Variants in CCDC158 observed in about 807,000 individuals in gnomAD.
The protein encoded by CCDC158 is coiled-coil domain-containing protein 158.
A neutral mutation model predicts 138.6 loss-of-function variants in CCDC158; 116 were observed. That is an observed-to-expected ratio of 0.84 (90% CI 0.72 to 0.98). The LOEUF (loss-of-function observed/expected upper bound fraction) is 0.98. Ranked by LOEUF, CCDC158 falls within the 50% of genes least tolerant of loss-of-function variation. The probability of loss-of-function intolerance (pLI) is 0.00; values close to 1 mark genes in which losing one functional copy is unlikely to be tolerated. For missense variants in CCDC158, 1,265 were observed against 1,306.1 expected (o/e 0.97, Z 0.48); for synonymous variants, 436 against 442.4 (o/e 0.99, Z 0.18).
At chr4:76,340,897 G>A (rs1039438920) in intron 18 of CCDC158, among the ~76,000 whole-genome samples, 1 of 152,170 alleles carries the variant, frequency 6.6e-6, no homozygotes, top group African/African-American at 2.4e-5. Context: ...GTGCCAAAAA[G>A]GTTGGGAACT....
intron 24 of CCDC158, among the ~76,000 whole-genome samples, chr4:76,316,662 G>C (rs545955330): frequency 6.6e-6 from 1 of 152,138 alleles, no homozygotes; most frequent in South Asian, 2.1e-4. Flanking sequence ...ACGGTCATCA[G>C]GTTATCTAAT....
intron 24 of CCDC158, among the ~76,000 whole-genome samples, chr4:76,318,561 AC>A (rs1719632973): frequency 6.6e-6 from 1 of 152,222 alleles, no homozygotes; most frequent in Admixed American, 6.5e-5. Flanking sequence ...AGATGGATTC[AC>A]AGCTGAATTC....
chr4:76,418,143 C>A (rs764025655), intron 1 of CCDC158, among the ~76,000 whole-genome samples: 1 of 152,216 alleles, frequency 6.6e-6, no homozygotes, highest in Non-Finnish European at 1.5e-5. Context: ...GATCCTCCAG[C>A]GGCTGAGTAG....
chr4:76,345,286 C>T (rs1280982807), intron 18 of CCDC158: 2 of 981,976 alleles, frequency 2.0e-6, no homozygotes, highest in Non-Finnish European at 3.3e-6. Context: ...AACATCGAAG[C>T]TGCTAAGGAT....
chr4:76,329,468 C>T (rs1294256814), intron 21 of CCDC158, among the ~76,000 whole-genome samples: 3 of 152,008 alleles, frequency 2.0e-5, no homozygotes, highest in African/African-American at 7.3e-5. Context: ...CCTGTAGTCC[C>T]GGCTACTCAG....
chr4:76,402,580 C>T (rs1728493028), intron 3 of CCDC158, among the ~76,000 whole-genome samples: 1 of 152,112 alleles, frequency 6.6e-6, no homozygotes, highest in South Asian at 2.1e-4. Context: ...TCTTTCAACA[C>T]CTATGTAACC....
chr4:76,393,102 T>C (rs1290015755), intron 4 of CCDC158, among the ~76,000 whole-genome samples: 3 of 151,946 alleles, frequency 2.0e-5, no homozygotes, highest in East Asian at 1.9e-4. Context: ...AAAATACTAA[T>C]GACATTCTTC....
At chr4:76,321,118 T>C (rs1578855291) in intron 24 of CCDC158, among the ~76,000 whole-genome samples, 1 of 152,002 alleles carries the variant, frequency 6.6e-6, no homozygotes, top group East Asian at 1.9e-4. Flanking sequence ...AATAGACAAT[T>C]CTCAAAAGAA....
Position 76,382,708 on chromosome 4 carries a change from T to G in CCDC158, c.816A>C (p.Leu272Phe). ...LQQHQDRIEQ[L>F]ISEHEVEITG... ...TTATTTCAACTTCATGTTCACTTAT[T>G]AACTGCTCAATCCTATAAAAAGAAT... is the stretch of plus-strand genomic sequence containing the variant. The change falls in exon 8 of 25, where the codon TTA becomes TTC. Residue 272 changes from leucine (L) to phenylalanine (F), a missense_variant. Physicochemically the swap from Leu to Phe is conservative, Grantham distance 22. Coordinates refer to ENST00000682701, the MANE Select transcript of CCDC158 (RefSeq NM_001394954.1). 6.2e-7 allele frequency: 1 copy of G among 1,608,606 alleles called. No individual in the cohort carries two copies.
chr4:76,382,801 A>G, intron 7 of CCDC158, 81 bp from the exon 8 acceptor site: 2 of 896,948 alleles, frequency 2.2e-6, no homozygotes, highest in Non-Finnish European at 3.5e-6. Context: ...AATGATTTTC[A>G]ATACTCTCAA....
At position 76,383,680 on chromosome 4, in the gene CCDC158, A is replaced by T. The variant is rs764241523; in HGVS notation, c.785T>A (p.Leu262Gln). The T allele has an allele frequency of 6.2e-7, 1 of 1,613,274 alleles. No individual in the cohort carries two copies. The highest frequency in any genetic ancestry group is 8.5e-7 in the Non-Finnish European group (1 of 1,179,270). Reference protein sequence around the residue: ...SESQNKIELLLQQHQDRIEQL... With the variant: ...SESQNKIELLQQQHQDRIEQL... ...AACCTACCTATCTTGGTGTTGTTGC[A>T]GAAGTAGTTCTATTTTGTTCTGTGA... is the stretch of plus-strand genomic sequence containing the variant. The change falls in exon 7 of 25, where the codon CTG becomes CAG. Residue 262 changes from leucine to glutamine, a missense_variant. Transcript: ENST00000682701.
chr4:76,323,291 G>T lies in CCDC158; in HGVS notation c.3277+11C>A, dbSNP rs749039685. 1 of 1,586,708 alleles carries T rather than the reference G, an allele frequency of 6.3e-7. No individual in the cohort carries two copies. The highest frequency in any genetic ancestry group is 1.1e-5 in the South Asian group (1 of 88,508). The stretch of plus-strand genomic sequence containing the variant: ...GAGCGAGGAAGATCTCTCCAAAAAC[G>T]TACACTGTACCTTGGTTCTTCAGCT... On this transcript the variant is annotated intron_variant, in intron 24 of 24. Transcript: ENST00000682701.
intron 13 of CCDC158, among the ~76,000 whole-genome samples, chr4:76,357,748 C>T (rs1243303704): frequency 6.6e-6 from 1 of 152,072 alleles, no homozygotes; most frequent in East Asian, 1.9e-4. Flanking sequence ...CTCCTCTACC[C>T]ACTTATTACT....
chr4:76,404,338 A>C (rs1728646820), intron 2 of CCDC158, among the ~76,000 whole-genome samples: 1 of 152,220 alleles, frequency 6.6e-6, no homozygotes, highest in Non-Finnish European at 1.5e-5. Context: ...ATGTCAGAAA[A>C]CATGAATACA....
chr4:76,368,151 C>T (rs1724877233), intron 11 of CCDC158, among the ~76,000 whole-genome samples: 2 of 152,124 alleles, frequency 1.3e-5, no homozygotes, highest in African/African-American at 4.8e-5. Flanking sequence ...AATAACGCTC[C>T]TCCACAACGG....
intron 12 of CCDC158, among the ~76,000 whole-genome samples, chr4:76,362,571 T>C (rs1299913996): frequency 2.0e-5 from 3 of 152,216 alleles, no homozygotes; most frequent in African/African-American, 7.2e-5. Flanking sequence ...AGATGTCAAT[T>C]CCTAGTATTG....
chr4:76,389,406 T>C (rs1204975232), intron 4 of CCDC158, among the ~76,000 whole-genome samples: 1 of 151,790 alleles, frequency 6.6e-6, no homozygotes, highest in Non-Finnish European at 1.5e-5. Flanking sequence ...TTTGAAAATA[T>C]ACAGTCAGAG....
At chr4:76,345,981 C>A (rs1387332713) in intron 18 of CCDC158, among the ~76,000 whole-genome samples, 2 of 152,140 alleles carry the variant, frequency 1.3e-5, no homozygotes, top group Admixed American at 1.3e-4. Flanking sequence ...TGCTACCTGA[C>A]TTCAACAATA....
chr4:76,367,812 G>A lies in CCDC158; in HGVS notation c.1348-36C>T, dbSNP rs1204333684. On this transcript the variant is annotated intron_variant, in intron 11 of 24. Transcript: ENST00000682701. ...AAGAAAAGAGAATTTCATAGATTTGGGAGGATAGGTATAGGCAACCTCAAG... is the reference window on the plus strand; with the variant it reads ...AAGAAAAGAGAATTTCATAGATTTGAGAGGATAGGTATAGGCAACCTCAAG... 4 of 1,567,046 alleles carry A rather than the reference G, an allele frequency of 2.6e-6. No homozygotes were observed. In the Admixed American group the frequency reaches 7.1e-5, roughly 28 times the overall value.
Sources: allele counts gnomAD v4.1 joint callset (sites outside exome capture counted in the v4.1 genomes callset), GRCh38; gene constraint gnomAD v4.1.1; transcripts MANE v1.5; gene names NCBI Gene and HGNC (gene_info 2026-07-23, HGNC 2026-07-21).